Variants in ZSCAN5A observed in about 807,000 individuals in gnomAD.
The protein encoded by ZSCAN5A is zinc finger and SCAN domain containing 5A.
A neutral mutation model predicts 23.7 loss-of-function variants in ZSCAN5A; 12 were observed. The ratio of observed to expected loss-of-function variants is 0.51; its 90% CI spans 0.32 to 0.82. ZSCAN5A has a LOEUF of 0.82. Ranked by LOEUF, ZSCAN5A falls within the 40% of genes least tolerant of loss-of-function variation. The pLI, the probability that ZSCAN5A is intolerant of heterozygous loss-of-function variation, is 0.03. For synonymous variants in ZSCAN5A, 257 were observed against 239.9 expected (o/e 1.07, Z -0.66); for missense variants, 597 against 617.9 (o/e 0.97, Z 0.36).
rs1305752688 is a variant in ZSCAN5A, at chr19:56,231,359, A to G, written c.-127-6186T>C. ...TGTACACCAAAAATGTGTATGTACC[A>G]TTTTTATTTGTAAATTTATAAAGTT... On this transcript the variant is annotated intron_variant, in intron 2 of 5. Transcript: ENST00000683990. 3.3e-5 allele frequency among the ~76,000 whole-genome samples: 5 copies of G among 152,238 alleles called. No homozygotes were observed. In the East Asian group the frequency reaches 9.6e-4, roughly 29 times the overall value.
At chr19:56,293,623 C>T (rs1185823463) in intron 2 of ZSCAN5A, among the ~76,000 whole-genome samples, 1 of 152,188 alleles carries the variant, frequency 6.6e-6, no homozygotes, top group Admixed American at 6.5e-5. Flanking sequence ...GTACAATGCA[C>T]ATAATAGTTC....
At chr19:56,237,600 A>G (rs2035030905) in intron 2 of ZSCAN5A, among the ~76,000 whole-genome samples, 1 of 152,124 alleles carries the variant, frequency 6.6e-6, no homozygotes, top group Non-Finnish European at 1.5e-5. Flanking sequence ...TCCACACTGT[A>G]TCGCATACTT....
At chr19:56,251,400 T>C (rs79231733) in intron 2 of ZSCAN5A, among the ~76,000 whole-genome samples, 1,998 of 152,210 alleles carry the variant, frequency 0.013, 43 homozygotes, top group African/African-American at 0.043. Context: ...GGAAAAATGA[T>C]TGGGAGTTTC....
At chr19:56,277,129 T>C (rs1260604642) in intron 2 of ZSCAN5A, among the ~76,000 whole-genome samples, 1 of 152,132 alleles carries the variant, frequency 6.6e-6, no homozygotes, top group Non-Finnish European at 1.5e-5. Flanking sequence ...TGGAAAACAG[T>C]CTGGCTGTTC....
chr19:56,240,968 C>T (rs1346564358), intron 2 of ZSCAN5A, among the ~76,000 whole-genome samples: 1 of 152,176 alleles, frequency 6.6e-6, no homozygotes, highest in Non-Finnish European at 1.5e-5. Flanking sequence ...CTGGGTCTTC[C>T]AAACTGTTGG....
At chr19:56,345,105 C>CAAA (rs61541169) in intron 2 of ZSCAN5A, among the ~76,000 whole-genome samples, 5 of 142,412 alleles carry the variant, frequency 3.5e-5, no homozygotes, top group African/African-American at 1.3e-4. Flanking sequence ...GACTACATCT[C>CAAA]AAAAAAAAAA....
intron 2 of ZSCAN5A, among the ~76,000 whole-genome samples, chr19:56,360,435 C>A (rs2041727331): frequency 1.3e-5 from 2 of 152,154 alleles, no homozygotes; most frequent in African/African-American, 4.8e-5. Context: ...AGGACACAAA[C>A]AAATGGAAAA....
chr19:56,351,783 A>G lies in ZSCAN5A; in HGVS notation c.-358+11452T>C, dbSNP rs2147460238. Among the ~76,000 whole-genome samples the G allele has an allele frequency of 6.6e-6, 1 of 152,266 alleles. No homozygotes were observed. Among genetic ancestry groups the G allele is most frequent in the East Asian group, 1.9e-4 (1 of 5,174 alleles). Reference sequence around the variant, plus strand: ...TTTGCATCTTAACCTGTCGCAGAACAAGAAAAGTGGTGCCGCTAAGATTGC... The same window carrying G: ...TTTGCATCTTAACCTGTCGCAGAACGAGAAAAGTGGTGCCGCTAAGATTGC... On this transcript the variant is annotated intron_variant, in intron 2 of 6. Coordinates refer to the ZSCAN5A transcript ENST00000587340. This position sits in a 1 kb window ranked among gnomAD's most constrained non-coding sequence, Gnocchi z 4.8.
At chr19:56,245,989 G>A (rs1427723303) in intron 2 of ZSCAN5A, among the ~76,000 whole-genome samples, 1 of 152,110 alleles carries the variant, frequency 6.6e-6, no homozygotes, top group African/African-American at 2.4e-5. Context: ...AGGGGTTAGG[G>A]GCCTCCACCT....
intron 2 of ZSCAN5A, among the ~76,000 whole-genome samples, chr19:56,249,550 G>A (rs1447836004): frequency 5.9e-5 from 9 of 152,214 alleles, no homozygotes; most frequent in Non-Finnish European, 1.3e-4. Context: ...GGGATTACAT[G>A]AGCACGAGCC....
intron 2 of ZSCAN5A, chr19:56,280,664 G>T (rs2038623253): frequency 6.6e-6 from 1 of 152,138 alleles, no homozygotes; most frequent in Non-Finnish European, 1.5e-5. Flanking sequence ...AAGATTGAGG[G>T]GTTGGCATCT....
intron 2 of ZSCAN5A, among the ~76,000 whole-genome samples, chr19:56,358,526 G>T (rs2041712275): frequency 8.0e-6 from 1 of 124,592 alleles, no homozygotes; most frequent in South Asian, 2.5e-4. Flanking sequence ...CATCGAGAAA[G>T]AAAATTTAGA....
chr19:56,242,071 G>A (rs1404612668), intron 2 of ZSCAN5A, among the ~76,000 whole-genome samples: 4 of 152,110 alleles, frequency 2.6e-5, no homozygotes, highest in African/African-American at 7.2e-5. Context: ...CGGGATTGCC[G>A]GATCATGCAG....
intron 2 of ZSCAN5A, among the ~76,000 whole-genome samples, chr19:56,323,964 C>A (rs554443003): frequency 1.3e-5 from 2 of 152,246 alleles, no homozygotes; most frequent in South Asian, 4.1e-4. Context: ...CAAACCTGCA[C>A]CCTTTCTTTA....
At chr19:56,241,314 A>G (rs1247323679) in intron 2 of ZSCAN5A, among the ~76,000 whole-genome samples, 1 of 152,208 alleles carries the variant, frequency 6.6e-6, no homozygotes, top group African/African-American at 2.4e-5. Flanking sequence ...GCTGTTATCA[A>G]ACTCCTGGGC....
intron 2 of ZSCAN5A, among the ~76,000 whole-genome samples, chr19:56,353,398 GAGCTTATTTCACTT>G (rs1440172945): frequency 3.3e-5 from 5 of 152,306 alleles, no homozygotes; most frequent in Admixed American, 2.6e-4. Flanking sequence ...TTACTGGGCT[GAGCTTATTTCACTT>G]AACATAATTT....
At chr19:56,335,384 T>C (rs1417869173) in intron 2 of ZSCAN5A, among the ~76,000 whole-genome samples, 2 of 152,156 alleles carry the variant, frequency 1.3e-5, no homozygotes, top group African/African-American at 4.8e-5. Context: ...TAGGATATCA[T>C]CCATGATAAC....
intron 2 of ZSCAN5A, among the ~76,000 whole-genome samples, chr19:56,349,034 A>G (rs550905979): frequency 6.6e-6 from 1 of 152,224 alleles, no homozygotes; most frequent in Admixed American, 6.5e-5. Flanking sequence ...CCTCCAGCCA[A>G]TGAAAAGTTC....
intron 2 of ZSCAN5A, among the ~76,000 whole-genome samples, chr19:56,242,995 T>A (rs2035551536): frequency 6.6e-6 from 1 of 152,138 alleles, no homozygotes; most frequent in Admixed American, 6.5e-5. Flanking sequence ...GTCAGGCTGG[T>A]CTCGAACTCC....
Sources: gnomAD v4.1 joint callset for allele counts (sites outside exome capture counted in the v4.1 genomes callset) on GRCh38, gnomAD v4.1.1 for gene constraint, Gnocchi (gnomAD v3.1) non-coding constraint, MANE v1.5 for transcripts, NCBI Gene and HGNC (gene_info 2026-07-23, HGNC 2026-07-21) for gene names.